The following DOCK8 variants were observed in gnomAD, a reference collection of about 807,000 sequenced individuals.
DOCK8 encodes dedicator of cytokinesis 8.
DOCK8 carries 141 observed loss-of-function variants against 245.6 expected under a neutral mutation model. The ratio of observed to expected loss-of-function variants is 0.57; its 90% CI spans 0.50 to 0.66. The LOEUF is 0.66. Ranked by LOEUF, DOCK8 falls within the 30% of genes least tolerant of loss-of-function variation. DOCK8 has a pLI of 0.00. For missense variants in DOCK8, 2,965 were observed against 2,603.4 expected (o/e 1.14, Z -3.02); for synonymous variants, 1,168 against 970.2 (o/e 1.20, Z -3.79).
rs2052979770 is a variant in DOCK8 at position 366,032 on chromosome 9, A to G, written c.1680-1986A>G. ...GCTAAGTCAGCCAGTGGCTGAGTAG[A>G]AACAGCCCTGCAGTGGGCCTCTGCC... On this transcript the variant is annotated intron_variant, in intron 14 of 47. Coordinates refer to ENST00000432829, the MANE Select transcript of DOCK8 (RefSeq NM_203447.4). The G allele has an allele frequency of 1.6e-5, 3 of 192,256 alleles. No individual in the cohort carries two copies. The South Asian group carries it at 2.9e-4, about 19-fold the overall frequency. 11.9% of individuals were successfully genotyped at this position (192,256 alleles called of 1,614,324 possible).
intron 1 of DOCK8, among the ~76,000 whole-genome samples, chr9:247,982 TAA>T (rs61282524): frequency 5.5e-5 from 8 of 145,038 alleles, no homozygotes; most frequent in Admixed American, 6.9e-5. Flanking sequence ...TTCTCTAAGT[TAA>T]AAAAAAAAAA....
chr9:260,911 T>A (rs945946122), intron 1 of DOCK8, among the ~76,000 whole-genome samples: 3 of 152,170 alleles, frequency 2.0e-5, no homozygotes, highest in Admixed American at 6.5e-5. Context: ...TCAAGTACTG[T>A]ATTCCCATTT....
chr9:382,435 C>T, intron 21 of DOCK8, 78 bp from the exon 22 acceptor site: 1 of 1,594,326 alleles, frequency 6.3e-7, no homozygotes, highest in Non-Finnish European at 8.6e-7. Context: ...CACCCTATCC[C>T]TCTTCAATTC....
chr9:213,405 C>T (rs548495360), upstream of DOCK8: 4 of 152,158 alleles, frequency 2.6e-5, no homozygotes, highest in Admixed American at 1.3e-4. Context: ...TAATGAGGCT[C>T]ACAAATGTGA....
At chr9:406,791 C>A (rs1012337029) in intron 27 of DOCK8, 139 bp from the exon 28 acceptor site, 12 of 1,028,366 alleles carry the variant, frequency 1.2e-5, no homozygotes, top group Non-Finnish European at 1.7e-5. Context: ...CCTTGTCCGC[C>A]TTATCTGGCA....
intron 1 of DOCK8, among the ~76,000 whole-genome samples, chr9:244,046 G>T (rs2047443844): frequency 6.6e-6 from 1 of 152,056 alleles, no homozygotes; most frequent in South Asian, 2.1e-4. Context: ...AATTTAGCCG[G>T]GCGTGGCGGC....
At chr9:424,047 C>T (rs1586991977) in intron 33 of DOCK8, among the ~76,000 whole-genome samples, 1 of 137,364 alleles carries the variant, frequency 7.3e-6, no homozygotes, top group African/African-American at 2.7e-5. Flanking sequence ...TCTACAAATT[C>T]TCAGGGGCTT....
intron 13 of DOCK8, 40 bp downstream of exon 13, chr9:339,139 A>C (rs1010306993): frequency 1.3e-6 from 2 of 1,544,246 alleles, no homozygotes; most frequent in African/African-American, 2.7e-5. Flanking sequence ...GCTGTGCCAA[A>C]ACTGCTTATC....
rs1043104132 is a variant in DOCK8 at position 436,795 on chromosome 9, C to T, written c.5079+1820C>T. Reference sequence around the variant, plus strand: ...AATATTTATTGAATACTTATTCTGTCCTCATGAACGTTACATTCTAACCAG... The same window carrying T: ...AATATTTATTGAATACTTATTCTGTTCTCATGAACGTTACATTCTAACCAG... On this transcript the variant is annotated intron_variant, in intron 39 of 47. Transcript: ENST00000432829. Among the ~76,000 whole-genome samples, 5 of 152,172 alleles carry T rather than the reference C, an allele frequency of 3.3e-5. No individual in the cohort carries two copies. The South Asian group carries it at 8.3e-4, about 25-fold the overall frequency.
intron 26 of DOCK8, among the ~76,000 whole-genome samples, chr9:403,886 C>CTATA (rs1363828971): frequency 2.2e-5 from 2 of 89,408 alleles, no homozygotes; most frequent in African/African-American, 1.3e-4. Context: ...CTCTCTCTCT[C>CTATA]TCTCTCTATA....
intron 25 of DOCK8, among the ~76,000 whole-genome samples, chr9:398,450 C>G (rs1015222585): frequency 6.6e-6 from 1 of 152,174 alleles, no homozygotes; most frequent in African/African-American, 2.4e-5. Context: ...ATTTGTCATT[C>G]TGAGAATAAA....
intron 44 of DOCK8, among the ~76,000 whole-genome samples, chr9:449,582 T>C (rs1263754201): frequency 6.6e-6 from 1 of 152,176 alleles, no homozygotes; most frequent in Non-Finnish European, 1.5e-5. Flanking sequence ...GCTAAATGTA[T>C]GTAAAGTTCC....
At chr9:219,639 G>C (rs1246466456) in intron 1 of DOCK8, among the ~76,000 whole-genome samples, 1 of 152,176 alleles carries the variant, frequency 6.6e-6, no homozygotes, top group Non-Finnish European at 1.5e-5. Context: ...GCTCACACCT[G>C]TAACCCTAGC....
intron 34 of DOCK8, among the ~76,000 whole-genome samples, 166 bp from the exon 35 acceptor site, chr9:428,196 G>A (rs531173928): frequency 6.6e-5 from 10 of 152,298 alleles, no homozygotes; most frequent in African/African-American, 2.4e-4. Context: ...TTTGGAAATA[G>A]GTCTTCAGTT....
intron 14 of DOCK8, among the ~76,000 whole-genome samples, chr9:360,219 G>C (rs995500811): frequency 9.2e-5 from 14 of 151,800 alleles, no homozygotes; most frequent in Admixed American, 5.2e-4. Flanking sequence ...AGGAGGCCGA[G>C]GCAGGAGAAT....
intron 1 of DOCK8, among the ~76,000 whole-genome samples, chr9:228,507 G>C (rs2047035391): frequency 6.6e-6 from 1 of 152,046 alleles, no homozygotes; most frequent in African/African-American, 2.4e-5. Context: ...TTACAGGAAA[G>C]AGTACTTTTA....
intron 23 of DOCK8, among the ~76,000 whole-genome samples, chr9:387,006 C>T (rs908447198): frequency 6.6e-6 from 1 of 152,110 alleles, no homozygotes; most frequent in Non-Finnish European, 1.5e-5. Flanking sequence ...CAACAAAATT[C>T]CCCAATCATA....
chr9:372,312 G>A (rs2053327857), intron 18 of DOCK8, 26 bp downstream of exon 18: 1 of 1,578,134 alleles, frequency 6.3e-7, no homozygotes, highest in African/African-American at 1.3e-5. Flanking sequence ...GCCATCAGCT[G>A]TTTCTTGTCC....
At position 417,579 on chromosome 9, in the gene DOCK8, C is replaced by T. The variant is rs566431130; in HGVS notation, c.3701-489C>T. Among the ~76,000 whole-genome samples, 16 of 152,280 alleles carry T rather than the reference C, an allele frequency of 1.1e-4. No individual in the cohort carries two copies. In the South Asian group the frequency reaches 1.7e-3, roughly 16 times the overall value. ...TTATCGTTTTTTTGCTTGCATACATCTAGACCTATCTATAAATATGGGTAT... is the reference window on the plus strand; with the variant it reads ...TTATCGTTTTTTTGCTTGCATACATTTAGACCTATCTATAAATATGGGTAT... On this transcript the variant is annotated intron_variant, in intron 29 of 47. Coordinates refer to ENST00000432829, the MANE Select transcript of DOCK8 (RefSeq NM_203447.4).
Sources: gnomAD v4.1 joint callset for allele counts (sites outside exome capture counted in the v4.1 genomes callset) on GRCh38, gnomAD v4.1.1 for gene constraint, MANE v1.5 for transcripts, NCBI Gene and HGNC (gene_info 2026-07-23, HGNC 2026-07-21) for gene names.